Variants in NOX4 observed in about 807,000 individuals in gnomAD.
NOX4 encodes the protein kidney oxidase-1.
Under a neutral mutation model 87.6 loss-of-function variants are expected in NOX4, and 69 were observed. That is an observed-to-expected ratio of 0.79 (90% CI 0.65 to 0.96). The LOEUF (loss-of-function observed/expected upper bound fraction) is 0.96, where lower values mean the gene tolerates loss of function less well. NOX4 is among the 40% of genes least tolerant of loss of function. NOX4 has a pLI of 0.00. For missense variants in NOX4, 680 were observed against 681.5 expected (o/e 1.00, Z 0.02); for synonymous variants, 275 against 238.2 (o/e 1.15, Z -1.42).
chr11:89,427,888 G>A (rs1217606171), intron 7 of NOX4, among the ~76,000 whole-genome samples: 5 of 152,068 alleles, frequency 3.3e-5, no homozygotes, highest in East Asian at 1.9e-4. Flanking sequence ...GATACTCCTC[G>A]AGAAGACCAA....
chr11:89,400,690 C>T (rs1941788517), intron 9 of NOX4, among the ~76,000 whole-genome samples: 1 of 151,634 alleles, frequency 6.6e-6, no homozygotes, highest in Non-Finnish European at 1.5e-5. Flanking sequence ...AATGTATATA[C>T]ACAATATATT....
intron 2 of NOX4, among the ~76,000 whole-genome samples, chr11:89,457,235 T>G (rs1404742714): frequency 6.6e-6 from 1 of 152,216 alleles, no homozygotes; most frequent in African/African-American, 2.4e-5. Context: ...CCACAGATGA[T>G]GCAAACAGAG....
At chr11:89,425,714 A>G (rs1334410927) in intron 7 of NOX4, among the ~76,000 whole-genome samples, 1 of 152,148 alleles carries the variant, frequency 6.6e-6, no homozygotes, top group Admixed American at 6.5e-5. Flanking sequence ...ATAAAAATAC[A>G]CTACATATGT....
intron 11 of NOX4, among the ~76,000 whole-genome samples, chr11:89,397,896 A>G (rs976267103): frequency 6.6e-6 from 1 of 152,112 alleles, no homozygotes; most frequent in Non-Finnish European, 1.5e-5. Flanking sequence ...TACAAAGAGG[A>G]GCTGGTACCA....
At chr11:89,424,666 T>C (rs1169002234) in intron 7 of NOX4, among the ~76,000 whole-genome samples, 3 of 151,984 alleles carry the variant, frequency 2.0e-5, no homozygotes, top group African/African-American at 7.2e-5. Context: ...TTCATATTAG[T>C]AAGTGCCATT....
chr11:89,393,267 T>C (rs1486131930), intron 11 of NOX4, among the ~76,000 whole-genome samples: 1 of 152,124 alleles, frequency 6.6e-6, no homozygotes, highest in Admixed American at 6.6e-5. Flanking sequence ...TGATCCAATA[T>C]GTCAATACTG....
the NOX4 span, among the ~76,000 whole-genome samples, chr11:89,536,501 A>G: frequency 1.3e-5 from 2 of 152,092 alleles, no homozygotes; most frequent in Admixed American, 6.5e-5. Context: ...TCCTTTTCCA[A>G]GTTCTACTTT....
chr11:89,522,679 T>C, the NOX4 span, among the ~76,000 whole-genome samples: 1 of 152,142 alleles, frequency 6.6e-6, no homozygotes, highest in Admixed American at 6.5e-5. Context: ...TTGAGAAATA[T>C]TTGAGGTTGA....
At chr11:89,380,612 T>C (rs1174587697) in intron 11 of NOX4, among the ~76,000 whole-genome samples, 1 of 152,124 alleles carries the variant, frequency 6.6e-6, no homozygotes, top group Non-Finnish European at 1.5e-5. Context: ...ATTCAATAGA[T>C]TTACCCTAAA....
chr11:89,396,978 A>G (rs1288199868), intron 11 of NOX4, among the ~76,000 whole-genome samples: 1 of 97,976 alleles, frequency 1.0e-5, no homozygotes, highest in Non-Finnish European at 1.8e-5. Context: ...CCTAATAGAT[A>G]TCTACGAACT....
chr11:89,334,329 G>A (rs560634102), intron 17 of NOX4, among the ~76,000 whole-genome samples: 6 of 151,814 alleles, frequency 4.0e-5, no homozygotes, highest in African/African-American at 1.4e-4. Flanking sequence ...TTTCAACTCT[G>A]AATATTACAA....
At chr11:89,530,947 T>C in the NOX4 span, among the ~76,000 whole-genome samples, 4 of 152,184 alleles carry the variant, frequency 2.6e-5, no homozygotes, top group Admixed American at 1.3e-4. Flanking sequence ...TCCTGAGTTA[T>C]TGATTATTTC....
chr11:89,550,025 T>C, the NOX4 span, among the ~76,000 whole-genome samples: 1 of 152,166 alleles, frequency 6.6e-6, no homozygotes, highest in East Asian at 1.9e-4. Context: ...GTAATGGGAT[T>C]GCTGGGTCAA....
intron 9 of NOX4, 135 bp from the exon 10 acceptor site, chr11:89,400,514 G>A: frequency 1.8e-6 from 1 of 565,010 alleles, no homozygotes; most frequent in Non-Finnish European, 2.8e-6. Context: ...CATAACAAAT[G>A]AGTAAAAAAT....
intron 2 of NOX4, among the ~76,000 whole-genome samples, chr11:89,452,546 T>A (rs1051794608): frequency 2.6e-5 from 4 of 152,128 alleles, no homozygotes; most frequent in East Asian, 1.9e-4. Context: ...AATGTTTTTT[T>A]AAAATTTTTA....
At chr11:89,519,549 A>C in the NOX4 span, among the ~76,000 whole-genome samples, 1 of 152,048 alleles carries the variant, frequency 6.6e-6, no homozygotes, top group Non-Finnish European at 1.5e-5. Flanking sequence ...CATTTTTTCC[A>C]ACAAAATAAA....
chr11:89,384,451 C>T (rs1940535114), intron 11 of NOX4, among the ~76,000 whole-genome samples: 1 of 152,146 alleles, frequency 6.6e-6, no homozygotes, highest in African/African-American at 2.4e-5. Flanking sequence ...AACACACATG[C>T]TCTCCCAGCT....
chr11:89,348,426 A>T (rs960731627), intron 13 of NOX4, among the ~76,000 whole-genome samples: 16 of 151,590 alleles, frequency 1.1e-4, no homozygotes, highest in Non-Finnish European at 1.8e-4. Flanking sequence ...AAAAAACAAA[A>T]AAAAACCTAT....
At chr11:89,462,803 T>G (rs528711495) in intron 2 of NOX4, among the ~76,000 whole-genome samples, 3 of 151,816 alleles carry the variant, frequency 2.0e-5, no homozygotes, top group African/African-American at 4.8e-5. Flanking sequence ...TCTCAAGACA[T>G]AAAAAGTTAG....
Sources: allele counts gnomAD v4.1 joint callset (sites outside exome capture counted in the v4.1 genomes callset), GRCh38; gene constraint gnomAD v4.1.1; transcripts MANE v1.5; gene names NCBI Gene and HGNC (gene_info 2026-07-23, HGNC 2026-07-21).